The following CEP63 variants were observed in gnomAD, a reference collection of about 807,000 sequenced individuals.
The protein encoded by CEP63 is centrosomal protein of 63 kDa.
Under a neutral mutation model 89.1 loss-of-function variants are expected in CEP63, and 84 were observed. The observed-to-expected ratio is 0.94, with a 90% CI of 0.79 to 1.13. The LOEUF (loss-of-function observed/expected upper bound fraction) is 1.13, where lower values mean the gene tolerates loss of function less well. Among genes scored for constraint, CEP63 ranks in the 50% most tolerant of loss-of-function variants. CEP63 has a pLI of 0.00. For synonymous variants in CEP63, 267 were observed against 272.5 expected, an observed-to-expected ratio of 0.98 and a Z score of 0.20; for missense variants, 838 against 813.3, an observed-to-expected ratio of 1.03 and a Z score of -0.37.
the CEP63 span, among the ~76,000 whole-genome samples, chr3:134,741,444 G>A: frequency 6.6e-6 from 1 of 152,230 alleles, no homozygotes; most frequent in Admixed American, 6.5e-5. Context: ...CCCCCGGTCA[G>A]TCTCCCTCAC....
intron 5 of CEP63, among the ~76,000 whole-genome samples, chr3:134,534,285 A>G (rs1346543433): frequency 6.6e-6 from 1 of 152,138 alleles, no homozygotes; most frequent in Non-Finnish European, 1.5e-5. Flanking sequence ...CTCCATAGAT[A>G]GTTTGATTAT....
At chr3:134,570,158 A>T (rs1957955900) in intron 11 of CEP63, among the ~76,000 whole-genome samples, 1 of 152,184 alleles carries the variant, frequency 6.6e-6, no homozygotes, top group Non-Finnish European at 1.5e-5. Flanking sequence ...AAGACCTCTG[A>T]AATGCCCTGG....
At chr3:134,766,211 C>T in the CEP63 span, among the ~76,000 whole-genome samples, 1 of 152,180 alleles carries the variant, frequency 6.6e-6, no homozygotes, top group African/African-American at 2.4e-5. Flanking sequence ...ATCTACCTCT[C>T]CCCGCAGCTT....
chr3:134,498,493 T>C (rs1940892880), intron 2 of CEP63, among the ~76,000 whole-genome samples: 2 of 152,196 alleles, frequency 1.3e-5, no homozygotes, highest in Non-Finnish European at 2.9e-5. Flanking sequence ...CAGATTATGT[T>C]GTACACAAAG....
the CEP63 span, among the ~76,000 whole-genome samples, chr3:134,746,243 A>G: frequency 6.6e-6 from 1 of 151,484 alleles, no homozygotes; most frequent in Admixed American, 6.6e-5. Context: ...TACAAAGGAC[A>G]TGAACTCATC....
chr3:134,600,966 T>TGATA, the CEP63 span: 1 of 152,174 alleles, frequency 6.6e-6, no homozygotes, highest in African/African-American at 2.4e-5. Flanking sequence ...AAAAGCCCGG[T>TGATA]GATAGATCAG....
At chr3:134,588,990 A>T (rs1958543812), downstream of CEP63, among the ~76,000 whole-genome samples, 1 of 152,218 alleles carries the variant, frequency 6.6e-6, no homozygotes, top group Non-Finnish European at 1.5e-5. Context: ...AAAACTCATC[A>T]TACAAAATGG....
chr3:134,624,347 G>T, the CEP63 span, among the ~76,000 whole-genome samples: 2 of 152,142 alleles, frequency 1.3e-5, no homozygotes, highest in African/African-American at 4.8e-5. Flanking sequence ...TTCTCATCTG[G>T]CTTTCTTGAT....
rs774868781 is a variant in CEP63 at position 134,561,356 on chromosome 3, C to G, written c.1954-21C>G. 2.5e-6 allele frequency: 4 copies of G among 1,605,412 alleles called. No homozygotes were observed. In the African/African-American group the frequency reaches 5.4e-5, roughly 21 times the overall value. On this transcript the variant is annotated intron_variant, in intron 14 of 14. Transcript: ENST00000675561. ...TAATATTCTACTTATTTACACATGT[C>G]AAAATTTGTGTCTCTTCCAGTGTTC...
chr3:134,696,915 C>G, the CEP63 span, among the ~76,000 whole-genome samples: 1 of 152,166 alleles, frequency 6.6e-6, no homozygotes, highest in East Asian at 1.9e-4. Flanking sequence ...CTTGGCTCTT[C>G]CAGATATTTA....
chr3:134,692,192 G>A, the CEP63 span, among the ~76,000 whole-genome samples: 1 of 152,062 alleles, frequency 6.6e-6, no homozygotes, highest in Non-Finnish European at 1.5e-5. Flanking sequence ...CATGTGCCAT[G>A]TTGGTGTACT....
chr3:134,648,166 T>C, the CEP63 span, among the ~76,000 whole-genome samples: 8 of 152,126 alleles, frequency 5.3e-5, no homozygotes, highest in African/African-American at 1.9e-4. Flanking sequence ...GCAATAAAAT[T>C]GAGATCCTGG....
chr3:134,750,993 C>CA, the CEP63 span, among the ~76,000 whole-genome samples: 5 of 152,218 alleles, frequency 3.3e-5, no homozygotes, highest in Non-Finnish European at 7.3e-5. Context: ...TCTAGTTCCA[C>CA]AACATTCCTG....
At chr3:134,554,303 AATTCCCACCT>A (rs1955619650) in intron 12 of CEP63, among the ~76,000 whole-genome samples, 1 of 149,522 alleles carries the variant, frequency 6.7e-6, no homozygotes, top group East Asian at 2.0e-4. Flanking sequence ...CTCATTGTTC[AATTCCCACCT>A]ATGAGTGAGA....
At chr3:134,747,447 T>C in the CEP63 span, among the ~76,000 whole-genome samples, 1 of 152,154 alleles carries the variant, frequency 6.6e-6, no homozygotes, top group African/African-American at 2.4e-5. Flanking sequence ...GAAAAGCACA[T>C]TAGAGGCCAT....
the CEP63 span, among the ~76,000 whole-genome samples, chr3:134,757,072 T>C: frequency 3.9e-5 from 6 of 152,158 alleles, no homozygotes; most frequent in Non-Finnish European, 8.8e-5. Context: ...GACCACCATG[T>C]TCCCATGGAG....
chr3:134,670,761 T>G, the CEP63 span, among the ~76,000 whole-genome samples: 1 of 152,164 alleles, frequency 6.6e-6, no homozygotes, highest in Non-Finnish European at 1.5e-5. Context: ...TCATAAAGCT[T>G]AAAAATGGGG....
chr3:134,723,688 G>A, the CEP63 span, among the ~76,000 whole-genome samples: 8 of 152,270 alleles, frequency 5.3e-5, no homozygotes, highest in East Asian at 1.5e-3. Flanking sequence ...AGAGCTTTGG[G>A]GTAAGGATGG....
At chr3:134,756,939 G>A in the CEP63 span, among the ~76,000 whole-genome samples, 24 of 152,226 alleles carry the variant, frequency 1.6e-4, no homozygotes, top group South Asian at 4.2e-4. Context: ...TGTGTTCAAC[G>A]GCAGAGAATC....
Sources: allele counts gnomAD v4.1 joint callset (sites outside exome capture counted in the v4.1 genomes callset), GRCh38; gene constraint gnomAD v4.1.1; transcripts MANE v1.5; gene names NCBI Gene and HGNC (gene_info 2026-07-23, HGNC 2026-07-21).